The following LRRC4C variants were observed in gnomAD, a reference collection of about 807,000 sequenced individuals.
The protein encoded by LRRC4C is leucine-rich repeat-containing protein 4C.
Under a neutral mutation model 33.6 loss-of-function variants are expected in LRRC4C, and 5 were observed. The observed-to-expected ratio is 0.15, with a 90% CI of 0.08 to 0.31. The LOEUF is 0.31. LRRC4C is among the 10% of genes least tolerant of loss of function. LRRC4C has a pLI of 1.00. For synonymous variants in LRRC4C, 329 were observed against 302.0 expected (o/e 1.09, Z -0.93); for missense variants, 560 against 796.7 (o/e 0.70, Z 3.58).
intron 1 of LRRC4C, among the ~76,000 whole-genome samples, chr11:41,196,601 T>A (rs1355136889): frequency 6.6e-6 from 1 of 152,070 alleles, no homozygotes; most frequent in South Asian, 2.1e-4. Flanking sequence ...AGTTCTATAA[T>A]GAATAAATGA....
chr11:41,059,827 C>T (rs1304594728), intron 1 of LRRC4C, among the ~76,000 whole-genome samples: 1 of 152,070 alleles, frequency 6.6e-6, no homozygotes, highest in African/African-American at 2.4e-5. Context: ...GAGTTTCAGA[C>T]CATGCTGACC....
chr11:41,005,361 T>A (rs1198640578), intron 1 of LRRC4C, among the ~76,000 whole-genome samples: 1 of 152,134 alleles, frequency 6.6e-6, no homozygotes, highest in Non-Finnish European at 1.5e-5. Context: ...CCCAGCACTT[T>A]GGGAGGCCAA....
intron 2 of LRRC4C, among the ~76,000 whole-genome samples, chr11:40,778,884 A>C (rs1950112560): frequency 6.6e-6 from 1 of 152,222 alleles, no homozygotes; most frequent in South Asian, 2.1e-4. Context: ...TTGGAGACTG[A>C]AGGAAAAAAG....
chr11:40,465,877 G>T (rs1952627083), intron 3 of LRRC4C, among the ~76,000 whole-genome samples: 1 of 151,940 alleles, frequency 6.6e-6, no homozygotes, highest in Admixed American at 6.6e-5. Flanking sequence ...ATTTCTCAAA[G>T]AATTAAAAAA....
At chr11:40,632,476 T>G (rs962843011) in intron 3 of LRRC4C, among the ~76,000 whole-genome samples, 1 of 152,202 alleles carries the variant, frequency 6.6e-6, no homozygotes, top group Non-Finnish European at 1.5e-5. Flanking sequence ...CTTTTGCATA[T>G]CTGTATTTTG....
At chr11:40,902,374 C>T (rs1453173373) in intron 2 of LRRC4C, among the ~76,000 whole-genome samples, 1 of 152,122 alleles carries the variant, frequency 6.6e-6, no homozygotes, top group Non-Finnish European at 1.5e-5. Context: ...GCTGTTCTCT[C>T]ATCTGTCCTC....
chr11:41,243,957 A>G (rs1948352226), intron 1 of LRRC4C, among the ~76,000 whole-genome samples: 1 of 152,210 alleles, frequency 6.6e-6, no homozygotes, highest in Non-Finnish European at 1.5e-5. Context: ...ATGGTTTAGA[A>G]TCACAGTTCT....
chr11:41,404,663 C>A (rs1954162568), intron 1 of LRRC4C, among the ~76,000 whole-genome samples: 1 of 151,970 alleles, frequency 6.6e-6, no homozygotes, highest in Non-Finnish European at 1.5e-5. Context: ...TAGTTTTGAA[C>A]AGTAATGATG....
intron 3 of LRRC4C, among the ~76,000 whole-genome samples, chr11:40,586,833 T>C (rs1186228358): frequency 1.3e-5 from 2 of 152,310 alleles, no homozygotes; most frequent in South Asian, 4.1e-4. Flanking sequence ...CATTGATCTA[T>C]ATCTCTGTTG....
rs140774563 is a variant in LRRC4C at position 40,482,153 on chromosome 11, C to T, written c.-269-162432G>A. On this transcript the variant is annotated intron_variant, in intron 3 of 6. Coordinates refer to ENST00000528697, the MANE Select transcript of LRRC4C (RefSeq NM_001258419.2). ...ATCTTTGACTCAAAGAATGGTCTTC[C>T]GTGGCTGGAAAGTCCATCTTCTATA... Among the ~76,000 whole-genome samples, 361 of 152,132 alleles carry T rather than the reference C, an allele frequency of 2.4e-3. 2 individuals carry two copies. The highest frequency in any genetic ancestry group is 2.3e-3 in the African/African-American group (97 of 41,504).
intron 1 of LRRC4C, among the ~76,000 whole-genome samples, chr11:41,078,503 A>G (rs1939320204): frequency 6.6e-6 from 1 of 152,164 alleles, no homozygotes; most frequent in Non-Finnish European, 1.5e-5. Context: ...GAAACTTACA[A>G]TCATAGCAGA....
intron 1 of LRRC4C, among the ~76,000 whole-genome samples, chr11:41,002,439 A>C (rs373144828): frequency 6.6e-6 from 1 of 152,130 alleles, no homozygotes; most frequent in East Asian, 1.9e-4. Context: ...AGCAAATCTC[A>C]AGGGAAGCCA....
intron 1 of LRRC4C, among the ~76,000 whole-genome samples, chr11:41,223,272 A>C (rs764518031): frequency 6.6e-6 from 1 of 152,162 alleles, no homozygotes; most frequent in Non-Finnish European, 1.5e-5. Flanking sequence ...AAAGGTTCTG[A>C]GTTTCAAATC....
intron 2 of LRRC4C, among the ~76,000 whole-genome samples, chr11:40,874,481 A>C (rs1954792317): frequency 6.6e-6 from 1 of 152,166 alleles, no homozygotes; most frequent in African/African-American, 2.4e-5. Flanking sequence ...GGAATGAATA[A>C]AGCTTGGGAA....
rs540947048 is a variant in LRRC4C, at chr11:40,848,094, TA to T, written c.-407+85540del. ...TGGTCTATCTATCTATCTTTTTTTT[TA>T]AAAAAAGCCCCTGGATTGATTTTTT... is the stretch of plus-strand genomic sequence containing the variant. On this transcript the variant is annotated intron_variant, in intron 2 of 6. Transcript: ENST00000528697. 3.4e-4 allele frequency among the ~76,000 whole-genome samples: 52 copies of T among 151,240 alleles called. 1 individual carries two copies. In the South Asian group the frequency reaches 4.0e-3, roughly 12 times the overall value.
At chr11:40,233,884 A>G (rs905225426) in intron 5 of LRRC4C, among the ~76,000 whole-genome samples, 1 of 152,210 alleles carries the variant, frequency 6.6e-6, no homozygotes, top group Non-Finnish European at 1.5e-5. Context: ...TATATGAATA[A>G]TAAGAGCTAA....
At chr11:40,539,718 G>T (rs969656868) in intron 3 of LRRC4C, among the ~76,000 whole-genome samples, 1 of 152,058 alleles carries the variant, frequency 6.6e-6, no homozygotes, top group African/African-American at 2.4e-5. Flanking sequence ...TTGTAATCTG[G>T]TAGAGAACAC....
At chr11:41,292,137 A>T (rs911222375) in intron 1 of LRRC4C, among the ~76,000 whole-genome samples, 2 of 152,314 alleles carry the variant, frequency 1.3e-5, no homozygotes, top group South Asian at 2.1e-4. Flanking sequence ...CTCGCCTTTC[A>T]TAGTGGGACA....
At chr11:40,307,567 A>G (rs762498781) in intron 4 of LRRC4C, among the ~76,000 whole-genome samples, 5 of 152,160 alleles carry the variant, frequency 3.3e-5, no homozygotes, top group Non-Finnish European at 5.9e-5. Context: ...TTGTTCAATC[A>G]CGACCTTTGC....
Sources: gnomAD v4.1 joint callset for allele counts (sites outside exome capture counted in the v4.1 genomes callset) on GRCh38, gnomAD v4.1.1 for gene constraint, MANE v1.5 for transcripts, NCBI Gene and HGNC (gene_info 2026-07-23, HGNC 2026-07-21) for gene names.